Variants in STXBP5 observed in about 807,000 individuals in gnomAD.
STXBP5 encodes the protein syntaxin binding protein 5.
In STXBP5, 50 loss-of-function variants were observed where a neutral mutation model predicts 152.4. The observed-to-expected ratio is 0.33, with a 90% CI of 0.26 to 0.42. STXBP5 has a LOEUF of 0.42. Among genes scored for constraint, STXBP5 ranks in the 10% least tolerant of loss-of-function variants. The pLI is 1.00. For synonymous variants in STXBP5, 492 were observed against 494.7 expected, an observed-to-expected ratio of 0.99 and a Z score of 0.07; for missense variants, 1,167 against 1,388.6, an observed-to-expected ratio of 0.84 and a Z score of 2.54.
intron 3 of STXBP5, among the ~76,000 whole-genome samples, chr6:147,236,878 A>T (rs1411599828): frequency 6.6e-6 from 1 of 151,372 alleles, no homozygotes; most frequent in Non-Finnish European, 1.5e-5. Flanking sequence ...TCCCGGGTTC[A>T]AATGATTCTT....
intron 2 of STXBP5, among the ~76,000 whole-genome samples, chr6:147,213,434 A>ATATGTGTGTGTGTGTG (rs1216361619): frequency 1.2e-4 from 10 of 85,586 alleles, no homozygotes; most frequent in Non-Finnish European, 1.5e-4. Context: ...AATTTTATAT[A>ATATGTGTGTGTGTGTG]TGTGTGTGTG....
chr6:147,385,466 G>C lies in STXBP5; in HGVS notation c.*711G>C, dbSNP rs1473556610. On this transcript the variant is annotated 3_prime_UTR_variant, in exon 28 of 28. Coordinates refer to ENST00000321680, the MANE Select transcript of STXBP5 (RefSeq NM_001127715.4). ...TTTTCATTGAAAAGAAAAGTGTAGA[G>C]CATGACTGAATTGCTCATCATTCTG... 6.6e-6 allele frequency: 1 copy of C among 151,808 alleles called. No individual in the cohort carries two copies. Among genetic ancestry groups the C allele is most frequent in the East Asian group, 1.9e-4 (1 of 5,152 alleles). 9.4% of individuals were successfully genotyped at this position (151,808 alleles called of 1,614,324 possible).
At chr6:147,379,664 C>T (rs931013424) in intron 26 of STXBP5, among the ~76,000 whole-genome samples, 1 of 151,958 alleles carries the variant, frequency 6.6e-6, no homozygotes, top group Non-Finnish European at 1.5e-5. Context: ...GCAAGAAAAG[C>T]AAGTAAAAGG....
At chr6:147,377,080 T>C (rs1189777705) in intron 26 of STXBP5, among the ~76,000 whole-genome samples, 1 of 152,202 alleles carries the variant, frequency 6.6e-6, no homozygotes. Flanking sequence ...TCATAAGTTC[T>C]AATTGTAGAT....
intron 26 of STXBP5, 109 bp downstream of exon 26, chr6:147,373,951 A>G: frequency 1.6e-6 from 1 of 624,064 alleles, no homozygotes; most frequent in East Asian, 2.8e-5. Flanking sequence ...CTTTGTCACA[A>G]TTACTATTTC....
At chr6:147,295,187 CTAGT>C (rs1242018748) in intron 9 of STXBP5, among the ~76,000 whole-genome samples, 10 of 152,134 alleles carry the variant, frequency 6.6e-5, no homozygotes. Context: ...TTTCTTTTCA[CTAGT>C]AGACTATATA....
intron 8 of STXBP5, among the ~76,000 whole-genome samples, chr6:147,280,551 A>G (rs1299140394): frequency 6.6e-6 from 1 of 152,198 alleles, no homozygotes; most frequent in Non-Finnish European, 1.5e-5. Context: ...CTATGAACAT[A>G]TTATACTTCA....
intron 2 of STXBP5, among the ~76,000 whole-genome samples, chr6:147,217,142 C>T (rs1479711940): frequency 3.3e-5 from 5 of 152,026 alleles, no homozygotes; most frequent in Admixed American, 6.5e-5. Context: ...TAAATCTGGC[C>T]GCATCAGCTA....
At chr6:147,210,898 A>G (rs2115030538) in intron 2 of STXBP5, among the ~76,000 whole-genome samples, 1 of 152,276 alleles carries the variant, frequency 6.6e-6, no homozygotes, top group South Asian at 2.1e-4. Flanking sequence ...CATTTCTCTC[A>G]GCGAATACTG....
chr6:147,257,567 C>G (rs1200584672), intron 4 of STXBP5, among the ~76,000 whole-genome samples: 1 of 151,908 alleles, frequency 6.6e-6, no homozygotes, highest in Admixed American at 6.6e-5. Flanking sequence ...CATTAATGAT[C>G]TATATCACCA....
At chr6:147,349,143 C>A (rs916308193) in intron 21 of STXBP5, among the ~76,000 whole-genome samples, 1 of 151,824 alleles carries the variant, frequency 6.6e-6, no homozygotes, top group African/African-American at 2.4e-5. Flanking sequence ...TACATATTTA[C>A]ATTCATTCTG....
Position 147,363,548 on chromosome 6 carries a change from A to C in STXBP5, c.2759A>C (p.Glu920Ala), listed in dbSNP as rs774209095. ...SENQYAVICS[E>A]KQAKVISLPT... Reference sequence around the variant, plus strand: ...AACCAGTATGCAGTGATATGTTCTGAAAAGCAAGCAAAAGTAATCTCACTG... The same window carrying C: ...AACCAGTATGCAGTGATATGTTCTGCAAAGCAAGCAAAAGTAATCTCACTG... The change falls in exon 24 of 28, where the codon GAA becomes GCA. Residue 920 changes from glutamate to alanine, a missense_variant. Around this residue, in one of 3 missense-constraint regions of STXBP5, gnomAD observed 833 missense variants for 986.3 expected, o/e 0.84. Transcript: ENST00000321680. 2 of 1,614,058 alleles carry C rather than the reference A, an allele frequency of 1.2e-6. No homozygotes were observed. Among genetic ancestry groups the C allele is most frequent in the African/African-American group, 2.7e-5 (2 of 74,928 alleles).
intron 15 of STXBP5, among the ~76,000 whole-genome samples, 191 bp from the exon 16 acceptor site, chr6:147,316,038 G>T (rs959630387): frequency 6.6e-6 from 1 of 152,096 alleles, no homozygotes; most frequent in African/African-American, 2.4e-5. Flanking sequence ...ACGTTTGTGT[G>T]TGTACTCCCT....
chr6:147,358,835 A>G (rs1049667557), intron 22 of STXBP5, among the ~76,000 whole-genome samples: 1 of 152,136 alleles, frequency 6.6e-6, no homozygotes, highest in Non-Finnish European at 1.5e-5. Flanking sequence ...CTGAAGAGAA[A>G]GAGAAAGAGG....
intron 4 of STXBP5, among the ~76,000 whole-genome samples, chr6:147,259,794 C>T (rs965861063): frequency 1.1e-4 from 16 of 148,442 alleles, no homozygotes; most frequent in African/African-American, 4.0e-4. Context: ...TTTTTTTTAA[C>T]TAAAAATAAG....
intron 18 of STXBP5, among the ~76,000 whole-genome samples, chr6:147,331,645 T>G (rs1259619236): frequency 6.6e-6 from 1 of 152,178 alleles, no homozygotes; most frequent in East Asian, 1.9e-4. Context: ...ACTTCGTATG[T>G]GCCAGTAATG....
At position 147,315,667 on chromosome 6, in the gene STXBP5, G is replaced by A. The variant is rs202184750; in HGVS notation, c.1555G>A (p.Ala519Thr). 150 of 1,613,688 alleles carry A rather than the reference G, an allele frequency of 9.3e-5. 1 individual carries two copies. The highest frequency in any genetic ancestry group is 1.2e-4 in the Non-Finnish European group (140 of 1,179,898). Residue 519 changes from alanine (A) to threonine (T), a missense_variant, in exon 15 of 28, where the codon GCT becomes ACT. By Grantham distance (58) the Ala-to-Thr change is moderately conservative (BLOSUM62 0). Coordinates refer to ENST00000321680, the MANE Select transcript of STXBP5 (RefSeq NM_001127715.4). Reference sequence around the variant, plus strand: ...TCCAGAAAGTAGAATGCTGTGCATCGCTGGAGTTTCAGCTCATGTCATTAT... The same window carrying A: ...TCCAGAAAGTAGAATGCTGTGCATCACTGGAGTTTCAGCTCATGTCATTAT... The part of the protein sequence containing the change: ...WCPESRMLCI[A>T]GVSAHVIIYR...
intron 2 of STXBP5, among the ~76,000 whole-genome samples, chr6:147,226,048 C>T (rs1015205015): frequency 2.0e-5 from 3 of 152,060 alleles, no homozygotes; most frequent in Non-Finnish European, 2.9e-5. Context: ...CATGGTGGCT[C>T]ATGCATGTAA....
At chr6:147,336,051 T>C (rs1387751072) in intron 19 of STXBP5, among the ~76,000 whole-genome samples, 1 of 152,238 alleles carries the variant, frequency 6.6e-6, no homozygotes, top group Non-Finnish European at 1.5e-5. Flanking sequence ...TCATTAGATA[T>C]AGAAACCTTT....
Sources: allele counts gnomAD v4.1 joint callset (sites outside exome capture counted in the v4.1 genomes callset), GRCh38; gene constraint gnomAD v4.1.1; regional missense constraint gnomAD v4.1.1; transcripts MANE v1.5; gene names NCBI Gene and HGNC (gene_info 2026-07-23, HGNC 2026-07-21).